The following BZW2 variants were observed in gnomAD, a reference collection of about 807,000 sequenced individuals.
The protein encoded by BZW2 is eIF5-mimic protein 1.
BZW2 carries 23 observed loss-of-function variants against 53.2 expected under a neutral mutation model. The observed-to-expected ratio is 0.43, with a 90% CI of 0.31 to 0.61. The LOEUF (loss-of-function observed/expected upper bound fraction) is 0.61. BZW2 is among the 20% of genes least tolerant of loss of function. The probability of loss-of-function intolerance (pLI) is 0.09; values close to 1 mark genes in which losing one functional copy is unlikely to be tolerated. For missense variants in BZW2, 409 were observed against 503.1 expected (o/e 0.81, Z 1.79); for synonymous variants, 227 against 186.4 (o/e 1.22, Z -1.77).
At chr7:16,684,634 A>G (rs1263446705) in intron 5 of BZW2, among the ~76,000 whole-genome samples, 1 of 152,162 alleles carries the variant, frequency 6.6e-6, no homozygotes, top group African/African-American at 2.4e-5. Context: ...GAGGAAAAGG[A>G]CAAATTGACA....
chr7:16,673,298 T>C (rs1782666487), intron 2 of BZW2, among the ~76,000 whole-genome samples: 1 of 152,202 alleles, frequency 6.6e-6, no homozygotes, highest in African/African-American at 2.4e-5. Context: ...TATATCCCTG[T>C]CAGTCCTCTG....
intron 1 of BZW2, among the ~76,000 whole-genome samples, chr7:16,655,881 G>A (rs1364315018): frequency 6.6e-6 from 1 of 151,954 alleles, no homozygotes; most frequent in Non-Finnish European, 1.5e-5. Flanking sequence ...TACATAATCA[G>A]TTTTATTTCT....
intron 1 of BZW2, chr7:16,662,383 T>C (rs932280465): frequency 5.3e-5 from 8 of 152,166 alleles, no homozygotes; most frequent in African/African-American, 1.9e-4. Flanking sequence ...TAAGCCCACA[T>C]ACCTGGGTTA....
intron 6 of BZW2, chr7:16,687,288 AAT>A (rs889028019): frequency 6.6e-6 from 1 of 152,148 alleles, no homozygotes; most frequent in Admixed American, 6.6e-5. Context: ...ATTGTAGTAA[AAT>A]GTTTGGGGGG....
chr7:16,683,909 G>A (rs555436176), intron 5 of BZW2, among the ~76,000 whole-genome samples: 3 of 151,998 alleles, frequency 2.0e-5, no homozygotes, highest in African/African-American at 4.8e-5. Flanking sequence ...AAGTGGTTCT[G>A]TGTATAATAT....
At chr7:16,674,342 A>C in intron 2 of BZW2, 70 bp from the exon 3 acceptor site, 1 of 1,206,392 alleles carries the variant, frequency 8.3e-7, no homozygotes, top group Non-Finnish European at 1.1e-6. Flanking sequence ...AATAGAATTA[A>C]AGTTTTGATT....
intron 1 of BZW2, among the ~76,000 whole-genome samples, chr7:16,660,355 ACAC>A (rs1782222670): frequency 6.7e-6 from 1 of 150,076 alleles, no homozygotes; most frequent in South Asian, 2.1e-4. Context: ...AGCAGATATC[ACAC>A]CCCTGCATTT....
chr7:16,654,083 C>CAAAAAAA (rs61590306), intron 1 of BZW2, among the ~76,000 whole-genome samples: 63 of 82,534 alleles, frequency 7.6e-4, no homozygotes, highest in Non-Finnish European at 1.0e-3. Flanking sequence ...CCCATCTCTA[C>CAAAAAAA]AAAAAAAAAA....
intron 1 of BZW2, among the ~76,000 whole-genome samples, chr7:16,654,574 A>AGCC (rs1272342042): frequency 7.1e-6 from 1 of 141,268 alleles, no homozygotes; most frequent in Non-Finnish European, 1.5e-5. Context: ...TTGCTCTGTC[A>AGCC]GCCAGGCTGT....
At chr7:16,666,768 C>T (rs1314486166) in intron 2 of BZW2, among the ~76,000 whole-genome samples, 1 of 152,036 alleles carries the variant, frequency 6.6e-6, no homozygotes, top group Non-Finnish European at 1.5e-5. Context: ...TCCTGGGCTC[C>T]AGTGCTCCTC....
chr7:16,675,754 A>G (rs1295493234), intron 3 of BZW2, among the ~76,000 whole-genome samples: 3 of 152,220 alleles, frequency 2.0e-5, no homozygotes, highest in African/African-American at 4.8e-5. Flanking sequence ...GGGAAAAATC[A>G]TTGTTAACAT....
chr7:16,688,866 A>T (rs1425490712), intron 6 of BZW2, among the ~76,000 whole-genome samples: 1 of 150,520 alleles, frequency 6.6e-6, no homozygotes. Context: ...ATTTTTTTTT[A>T]AATCCAGAAG....
At chr7:16,673,234 C>A (rs1372228790) in intron 2 of BZW2, among the ~76,000 whole-genome samples, 1 of 152,172 alleles carries the variant, frequency 6.6e-6, no homozygotes, top group Non-Finnish European at 1.5e-5. Context: ...GCGTGAGCCA[C>A]CACGCCCGGC....
At chr7:16,656,421 G>A (rs924051355) in intron 1 of BZW2, among the ~76,000 whole-genome samples, 4 of 152,094 alleles carry the variant, frequency 2.6e-5, no homozygotes, top group African/African-American at 4.8e-5. Flanking sequence ...TGTAGTGATT[G>A]TATGTTGTCC....
rs765899562 is a variant in BZW2 at position 16,696,989 on chromosome 7, A to G, written c.897A>G (p.Thr299=). 24 of 1,614,068 alleles carry G rather than the reference A, an allele frequency of 1.5e-5. No homozygotes were observed. The highest frequency in any genetic ancestry group is 8.3e-5 in the Admixed American group (5 of 60,000). ...PETAVIGLLW[T]CIMNAVEWNK... The stretch of plus-strand genomic sequence containing the variant: ...CAGCAGTGATTGGTCTTCTGTGGAC[A>G]TGTATAATGAACGCTGTTGAGTGGA... Residue 299 remains threonine, a synonymous_variant, in exon 9 of 12, where the codon ACA becomes ACG. Transcript: ENST00000258761.
chr7:16,681,645 A>G (rs1294392922), intron 4 of BZW2, among the ~76,000 whole-genome samples: 1 of 152,208 alleles, frequency 6.6e-6, no homozygotes, highest in Non-Finnish European at 1.5e-5. Context: ...AGCCTGGCCA[A>G]CATGGTGAAA....
At chr7:16,683,337 A>G (rs979946237) in intron 5 of BZW2, among the ~76,000 whole-genome samples, 1 of 152,254 alleles carries the variant, frequency 6.6e-6, no homozygotes, top group Non-Finnish European at 1.5e-5. Context: ...GCTAATAGCT[A>G]TAGGAAGAAA....
At chr7:16,666,135 C>T (rs1782418963) in intron 2 of BZW2, among the ~76,000 whole-genome samples, 2 of 151,994 alleles carry the variant, frequency 1.3e-5, no homozygotes, top group African/African-American at 2.4e-5. Flanking sequence ...TGCACTGTCA[C>T]CCAGGTTGGA....
rs1464131273 is a variant in BZW2 at position 16,705,752 on chromosome 7, T to G, written c.1232-308T>G. On this transcript the variant is annotated intron_variant, in intron 11 of 11. Transcript: ENST00000258761. The stretch of plus-strand genomic sequence containing the variant: ...TCCAAAGAAGAAAAGTTATATTGTT[T>G]AATTTTATATATATTCAAATTTTTA... Among the ~76,000 whole-genome samples the G allele has an allele frequency of 2.0e-5, 3 of 149,592 alleles. No homozygotes were observed. In the East Asian group the frequency reaches 5.8e-4, roughly 29 times the overall value.
Sources: allele counts gnomAD v4.1 joint callset (sites outside exome capture counted in the v4.1 genomes callset), GRCh38; gene constraint gnomAD v4.1.1; transcripts MANE v1.5; gene names NCBI Gene and HGNC (gene_info 2026-07-23, HGNC 2026-07-21).